The following TGFBR3 variants were observed in gnomAD, a reference collection of about 807,000 sequenced individuals.
TGFBR3 encodes the protein transforming growth factor beta receptor 3, also known as transforming growth factor beta receptor type 3.
Under a neutral mutation model 87.9 loss-of-function variants are expected in TGFBR3, and 46 were observed. The ratio of observed to expected loss-of-function variants is 0.52; its 90% CI spans 0.41 to 0.67. The LOEUF is 0.67. Among genes scored for constraint, TGFBR3 ranks in the 30% least tolerant of loss-of-function variants. The pLI is 0.00. For missense variants in TGFBR3, 866 were observed against 1,041.9 expected (o/e 0.83, Z 2.32); for synonymous variants, 381 against 391.6 (o/e 0.97, Z 0.32).
At chr1:91,867,981 C>T (rs1219335519) in intron 1 of TGFBR3, among the ~76,000 whole-genome samples, 2 of 152,284 alleles carry the variant, frequency 1.3e-5, no homozygotes, top group South Asian at 2.1e-4. Context: ...TGCAGTGGCA[C>T]GATGTCAGCT....
At chr1:91,793,117 T>A (rs1027008547) in intron 3 of TGFBR3, among the ~76,000 whole-genome samples, 29 of 152,178 alleles carry the variant, frequency 1.9e-4, no homozygotes, top group African/African-American at 7.0e-4. Context: ...AAACTGTTCA[T>A]CCAACTTAAG....
At chr1:91,743,817 C>T (rs932041185) in intron 4 of TGFBR3, among the ~76,000 whole-genome samples, 6 of 152,236 alleles carry the variant, frequency 3.9e-5, no homozygotes, top group African/African-American at 1.4e-4. Flanking sequence ...CCATGAGCAA[C>T]CACGTGTCTG....
At chr1:91,741,976 C>T (rs1030271607) in intron 4 of TGFBR3, among the ~76,000 whole-genome samples, 1 of 152,172 alleles carries the variant, frequency 6.6e-6, no homozygotes, top group African/African-American at 2.4e-5. Flanking sequence ...TCTGCCCGCC[C>T]TCATCTCATG....
intron 10 of TGFBR3, among the ~76,000 whole-genome samples, chr1:91,717,427 T>C (rs1263567670): frequency 6.6e-6 from 1 of 152,182 alleles, no homozygotes; most frequent in Admixed American, 6.5e-5. Context: ...TTTTTCGCTA[T>C]CCACCTGCAG....
chr1:91,736,564 G>A (rs890633391), intron 4 of TGFBR3, among the ~76,000 whole-genome samples: 5 of 151,778 alleles, frequency 3.3e-5, no homozygotes, highest in South Asian at 4.2e-4. Context: ...TTTTGACGTC[G>A]CCTGAATAAG....
chr1:91,859,495 G>A (rs941916567), intron 2 of TGFBR3, among the ~76,000 whole-genome samples: 2 of 151,782 alleles, frequency 1.3e-5, no homozygotes, highest in African/African-American at 4.8e-5. Flanking sequence ...TTAATACACA[G>A]GCTAAAAGGC....
intron 2 of TGFBR3, among the ~76,000 whole-genome samples, chr1:91,892,258 G>C (rs780573551): frequency 3.3e-5 from 5 of 151,958 alleles, no homozygotes; most frequent in Non-Finnish European, 5.9e-5. Context: ...AGCTCCTTAG[G>C]GTATGTGGCA....
At chr1:91,701,720 T>C (rs922997457) in intron 14 of TGFBR3, among the ~76,000 whole-genome samples, 11 of 152,080 alleles carry the variant, frequency 7.2e-5, no homozygotes, top group East Asian at 1.9e-4. Flanking sequence ...CTAGGCACCA[T>C]AGGACGGAGT....
intron 3 of TGFBR3, among the ~76,000 whole-genome samples, chr1:91,791,845 C>G (rs1675204695): frequency 6.6e-6 from 1 of 152,232 alleles, no homozygotes; most frequent in South Asian, 2.1e-4. Flanking sequence ...CAGAACCAAA[C>G]AAGTGCCTGG....
intron 3 of TGFBR3, among the ~76,000 whole-genome samples, chr1:91,768,776 T>C (rs890534976): frequency 6.7e-6 from 1 of 150,288 alleles, no homozygotes; most frequent in Non-Finnish European, 1.5e-5. Context: ...GCCTGGAGAA[T>C]TGTGAGCCAA....
chr1:91,900,890 G>A (rs758884957), intron 1 of TGFBR3, among the ~76,000 whole-genome samples: 4 of 152,130 alleles, frequency 2.6e-5, no homozygotes, highest in Non-Finnish European at 5.9e-5. Flanking sequence ...AAAGTTATTG[G>A]GTTTGGTTTT....
At position 91,902,271 on chromosome 1, in the gene TGFBR3, T is replaced by TTGTGTGTG. The variant is rs200355608; in HGVS notation, c.-174-2582_-174-2575dup. On this transcript the variant is annotated intron_variant, in intron 1 of 17. Transcript: ENST00000370399. ...GACGTGCAGTTTCTTTCCTTTTCTT[T>TTGTGTGTG]TGTGTGTGTGTGTGTGTGTGTGTGT... Among the ~76,000 whole-genome samples, 754 of 148,334 alleles carry TTGTGTGTG rather than the reference T, an allele frequency of 5.1e-3. 4 individuals carry two copies. The highest frequency in any genetic ancestry group is 6.0e-3 in the Non-Finnish European group (404 of 67,104).
chr1:91,680,384 G>T lies in TGFBR3; in HGVS notation c.*3355C>A, dbSNP rs1421660792. 2 of 450,980 alleles carry T rather than the reference G, an allele frequency of 4.4e-6. No homozygotes were observed. The highest frequency in any genetic ancestry group is 2.0e-5 in the African/African-American group (1 of 49,690). The allele number at this position is 450,980 out of a possible 1,614,324, so 27.9% of individuals were successfully genotyped here. On this transcript the variant is annotated 3_prime_UTR_variant, in exon 17 of 17. Transcript: ENST00000212355. Reference sequence around the variant, plus strand: ...ATCTTTTTATTATGCACAGATAAAAGATTTAAAACTGTGGTTATCAAAACT... The same window carrying T: ...ATCTTTTTATTATGCACAGATAAAATATTTAAAACTGTGGTTATCAAAACT...
chr1:91,727,566 G>A, intron 7 of TGFBR3, 93 bp downstream of exon 7: 1 of 1,516,966 alleles, frequency 6.6e-7, no homozygotes, highest in South Asian at 1.1e-5. Context: ...AGAGTCCAAA[G>A]AGGCAGGAAC....
chr1:91,733,616 G>A (rs1672850798), intron 5 of TGFBR3, among the ~76,000 whole-genome samples: 2 of 152,284 alleles, frequency 1.3e-5, no homozygotes, highest in Admixed American at 1.3e-4. Context: ...GAAAGCAGCT[G>A]GATGCTGAAG....
At chr1:91,871,418 G>A (rs1336611947) in intron 1 of TGFBR3, among the ~76,000 whole-genome samples, 1 of 152,172 alleles carries the variant, frequency 6.6e-6, no homozygotes, top group African/African-American at 2.4e-5. Context: ...TGTTCAGGGA[G>A]GTGGGCACAT....
intron 15 of TGFBR3, 79 bp downstream of exon 15, chr1:91,698,010 T>C: frequency 5.2e-6 from 7 of 1,357,446 alleles, no homozygotes; most frequent in Admixed American, 1.7e-5. Flanking sequence ...AACTCAAAGT[T>C]TGGCAAATGT....
intron 6 of TGFBR3, among the ~76,000 whole-genome samples, chr1:91,728,125 G>A (rs1287517320): frequency 2.0e-5 from 3 of 152,190 alleles, no homozygotes; most frequent in African/African-American, 7.2e-5. Flanking sequence ...TTTTGAAGCA[G>A]TATTGTTGCT....
At chr1:91,807,088 T>C (rs1213739676) in intron 2 of TGFBR3, among the ~76,000 whole-genome samples, 6 of 152,170 alleles carry the variant, frequency 3.9e-5, no homozygotes, top group Admixed American at 3.3e-4. Flanking sequence ...GTACATAACA[T>C]ATGCTCATGT....
Sources: gnomAD v4.1 joint callset for allele counts (sites outside exome capture counted in the v4.1 genomes callset) on GRCh38, gnomAD v4.1.1 for gene constraint, MANE v1.5 for transcripts, NCBI Gene and HGNC (gene_info 2026-07-23, HGNC 2026-07-21) for gene names.